Variants in DPP6 observed in about 807,000 individuals in gnomAD.
The protein encoded by DPP6 is dipeptidyl peptidase like 6, also known as A-type potassium channel modulatory protein DPP6.
A neutral mutation model predicts 122.6 loss-of-function variants in DPP6; 69 were observed. The observed-to-expected ratio is 0.56, with a 90% CI of 0.46 to 0.69. The LOEUF is 0.69. Among genes scored for constraint, DPP6 ranks in the 30% least tolerant of loss-of-function variants. DPP6 has a pLI of 0.00. For synonymous variants in DPP6, 418 were observed against 433.1 expected (o/e 0.97, Z 0.43); for missense variants, 928 against 1,116.9 (o/e 0.83, Z 2.41).
At chr7:153,949,838 A>T (rs895030814) in intron 1 of DPP6, among the ~76,000 whole-genome samples, 1 of 152,174 alleles carries the variant, frequency 6.6e-6, no homozygotes, top group South Asian at 2.1e-4. Flanking sequence ...TTGCTATCTA[A>T]AGCTAGTGGG....
chr7:153,898,382 T>G (rs1258553944), intron 1 of DPP6, among the ~76,000 whole-genome samples: 1 of 151,964 alleles, frequency 6.6e-6, no homozygotes, highest in East Asian at 1.9e-4. Context: ...AGGCCAGGAG[T>G]TCAAGGTTAA....
intron 1 of DPP6, among the ~76,000 whole-genome samples, chr7:154,150,912 G>A (rs1796380656): frequency 6.6e-6 from 1 of 152,144 alleles, no homozygotes; most frequent in African/African-American, 2.4e-5. Context: ...CCTCTTAAAG[G>A]CCAGGAGAGA....
chr7:154,617,025 G>T (rs1464831866), intron 5 of DPP6, among the ~76,000 whole-genome samples: 3 of 152,150 alleles, frequency 2.0e-5, no homozygotes, highest in Non-Finnish European at 4.4e-5. Context: ...TCACCCCAAC[G>T]CCAAGTATTT....
intron 16 of DPP6, among the ~76,000 whole-genome samples, chr7:154,847,801 C>T (rs1036050015): frequency 2.6e-5 from 4 of 152,156 alleles, no homozygotes; most frequent in Non-Finnish European, 5.9e-5. Context: ...ACCCTTCGAC[C>T]GATAACTCCC....
At chr7:154,855,990 G>A (rs1452222526) in intron 17 of DPP6, among the ~76,000 whole-genome samples, 6 of 152,144 alleles carry the variant, frequency 3.9e-5, no homozygotes, top group Non-Finnish European at 8.8e-5. Context: ...GCAGCCTCCC[G>A]GGTTAGCTGT....
chr7:154,711,966 T>A (rs1157463189), intron 7 of DPP6, among the ~76,000 whole-genome samples: 264 of 64,086 alleles, frequency 4.1e-3, no homozygotes, highest in African/African-American at 0.013. Context: ...ACACACACAC[T>A]CTTCTTCTCA....
At chr7:154,823,241 A>G (rs2150502179) in intron 16 of DPP6, among the ~76,000 whole-genome samples, 1 of 152,350 alleles carries the variant, frequency 6.6e-6, no homozygotes, top group East Asian at 1.9e-4. Context: ...AAATGTTGTA[A>G]ACAATGAAAG....
chr7:153,762,459 A>G, the DPP6 span, among the ~76,000 whole-genome samples: 3 of 152,072 alleles, frequency 2.0e-5, no homozygotes, highest in Admixed American at 6.6e-5. Context: ...TTCCCAGGCC[A>G]CTTATCTTCT....
chr7:153,819,708 AAG>A, the DPP6 span, among the ~76,000 whole-genome samples: 5 of 152,206 alleles, frequency 3.3e-5, no homozygotes, highest in South Asian at 2.1e-4. Context: ...GGATGAAAGA[AAG>A]AGAATATAAA....
chr7:154,754,716 G>A (rs560052474), intron 8 of DPP6, among the ~76,000 whole-genome samples: 22 of 152,176 alleles, frequency 1.4e-4, no homozygotes, highest in African/African-American at 3.9e-4. Context: ...GCAAAGACTC[G>A]GAACCAACCC....
At chr7:153,783,379 T>C in the DPP6 span, among the ~76,000 whole-genome samples, 1 of 152,096 alleles carries the variant, frequency 6.6e-6, no homozygotes, top group Non-Finnish European at 1.5e-5. Context: ...ACATCAGATC[T>C]CATGAGCCTC....
At chr7:154,224,857 T>C (rs1800502646) in intron 1 of DPP6, among the ~76,000 whole-genome samples, 1 of 150,680 alleles carries the variant, frequency 6.6e-6, no homozygotes, top group African/African-American at 2.5e-5. Flanking sequence ...CATTCTGATA[T>C]CAGGGCTGGG....
chr7:153,909,101 A>G (rs1276591245), intron 1 of DPP6, among the ~76,000 whole-genome samples: 1 of 152,188 alleles, frequency 6.6e-6, no homozygotes, highest in Non-Finnish European at 1.5e-5. Flanking sequence ...TAGCATCAAG[A>G]AATACATTCC....
chr7:154,499,906 G>T (rs538014631), intron 3 of DPP6, among the ~76,000 whole-genome samples: 2 of 152,254 alleles, frequency 1.3e-5, no homozygotes, highest in African/African-American at 4.8e-5. Context: ...TATCGTGAAA[G>T]GATACAGAAC....
intron 1 of DPP6, among the ~76,000 whole-genome samples, chr7:154,175,588 C>T (rs1473476652): frequency 6.6e-6 from 1 of 152,130 alleles, no homozygotes; most frequent in African/African-American, 2.4e-5. Context: ...ACCTATAGAA[C>T]TATAGTGGGT....
intron 1 of DPP6, among the ~76,000 whole-genome samples, chr7:154,274,084 G>A (rs935475107): frequency 2.0e-5 from 3 of 152,184 alleles, no homozygotes; most frequent in Non-Finnish European, 4.4e-5. Flanking sequence ...TGGTGCTTCT[G>A]TTATTTGCTC....
intron 1 of DPP6, among the ~76,000 whole-genome samples, chr7:154,180,803 G>C (rs1359312989): frequency 6.6e-6 from 1 of 152,074 alleles, no homozygotes; most frequent in African/African-American, 2.4e-5. Flanking sequence ...TTCTTGTGAT[G>C]CAAGTTTTCT....
At chr7:154,166,244 C>A (rs1036056365) in intron 1 of DPP6, among the ~76,000 whole-genome samples, 11 of 152,112 alleles carry the variant, frequency 7.2e-5, no homozygotes, top group Admixed American at 6.5e-4. Flanking sequence ...AAATGCAAAG[C>A]CATGGCGTGT....
intron 1 of DPP6, among the ~76,000 whole-genome samples, chr7:154,378,765 C>T (rs12530824): frequency 0.48 from 72,447 of 152,162 alleles, 19,823 homozygotes; most frequent in East Asian, 0.63. Flanking sequence ...CTCACAGTTC[C>T]GCATGGCTGG....
Sources: allele counts gnomAD v4.1 joint callset (sites outside exome capture counted in the v4.1 genomes callset), GRCh38; gene constraint gnomAD v4.1.1; transcripts MANE v1.5; gene names NCBI Gene and HGNC (gene_info 2026-07-23, HGNC 2026-07-21).